UGT1A4: variants seen among roughly 807,000 people sequenced by gnomAD.
UGT1A4 encodes the protein UDP-glucuronosyltransferase 1A4.
UGT1A4 carries 32 observed loss-of-function variants against 41.1 expected under a neutral mutation model. The observed-to-expected ratio is 0.78, with a 90% CI of 0.59 to 1.05. The LOEUF is 1.05. UGT1A4 is among the 50% of genes least tolerant of loss of function. The probability of loss-of-function intolerance (pLI) is 0.00; values close to 1 mark genes in which losing one functional copy is unlikely to be tolerated. For missense variants in UGT1A4, 748 were observed against 677.4 expected (o/e 1.10, Z -1.16); for synonymous variants, 283 against 265.1 (o/e 1.07, Z -0.66).
chr2:233,747,722 G>T (rs554726929), intron 1 of UGT1A4: 13 of 1,612,764 alleles, frequency 8.1e-6, no homozygotes, highest in South Asian at 3.3e-5. Context: ...TTCCTGCTGT[G>T]TTTTTTTTGA....
At chr2:233,741,120 A>G (rs947867994) in intron 1 of UGT1A4, among the ~76,000 whole-genome samples, 1 of 151,760 alleles carries the variant, frequency 6.6e-6, no homozygotes, top group Non-Finnish European at 1.5e-5. Flanking sequence ...TTACACTTCT[A>G]TAAAAGCAAC....
At chr2:233,730,348 T>A (rs2078018262) in intron 1 of UGT1A4, among the ~76,000 whole-genome samples, 1 of 152,216 alleles carries the variant, frequency 6.6e-6, no homozygotes, top group Non-Finnish European at 1.5e-5. Flanking sequence ...TGATCCATCC[T>A]GGATTTTTTG....
intron 1 of UGT1A4, chr2:233,753,227 G>C (rs1159268565): frequency 6.6e-6 from 1 of 152,106 alleles, no homozygotes; most frequent in Non-Finnish European, 1.5e-5. Flanking sequence ...GATACTTCTT[G>C]TATAGTTATT....
intron 1 of UGT1A4, among the ~76,000 whole-genome samples, chr2:233,744,175 A>C (rs1324245746): frequency 1.3e-5 from 2 of 151,870 alleles, no homozygotes; most frequent in African/African-American, 4.9e-5. Flanking sequence ...TCCGGCCTCC[A>C]ACCAGCCATG....
At chr2:233,766,970 TACTG>T in intron 1 of UGT1A4, 60 bp from the exon 2 acceptor site, 8 of 1,610,026 alleles carry the variant, frequency 5.0e-6, no homozygotes, top group Non-Finnish European at 6.8e-6. Flanking sequence ...ATTCATAACT[TACTG>T]TATGTAGTCA....
intron 1 of UGT1A4, chr2:233,743,704 C>T (rs773531190): frequency 8.8e-6 from 12 of 1,367,244 alleles, no homozygotes; most frequent in East Asian, 4.5e-5. Flanking sequence ...CCTCCGCCCC[C>T]GCCTCGCCAT....
intron 1 of UGT1A4, among the ~76,000 whole-genome samples, chr2:233,721,302 G>A (rs541150498): frequency 1.8e-4 from 27 of 152,234 alleles, no homozygotes; most frequent in African/African-American, 6.5e-4. Flanking sequence ...CATTTGAATA[G>A]TGATTGTGGC....
At chr2:233,761,066 T>G in intron 1 of UGT1A4, 1 of 1,614,188 alleles carries the variant, frequency 6.2e-7, no homozygotes, top group Non-Finnish European at 8.5e-7. Context: ...AGAAGTGACT[T>G]TGTGAAGGAT....
At chr2:233,765,565 G>A (rs1156273508) in intron 1 of UGT1A4, among the ~76,000 whole-genome samples, 1 of 152,072 alleles carries the variant, frequency 6.6e-6, no homozygotes, top group Non-Finnish European at 1.5e-5. Context: ...GTGAGAATGC[G>A]TAGACGCAGG....
At chr2:233,752,070 A>G (rs1694888070) in intron 1 of UGT1A4, among the ~76,000 whole-genome samples, 1 of 152,244 alleles carries the variant, frequency 6.6e-6, no homozygotes, top group Non-Finnish European at 1.5e-5. Flanking sequence ...GAGATGGGGA[A>G]GTCTCTCTAC....
At chr2:233,733,213 G>T (rs974647269) in intron 1 of UGT1A4, among the ~76,000 whole-genome samples, 1 of 152,158 alleles carries the variant, frequency 6.6e-6, no homozygotes, top group African/African-American at 2.4e-5. Flanking sequence ...TTTGGGCTGA[G>T]ACAATGGGGT....
chr2:233,757,535 A>AATATATATACATATACATATATATAT lies in UGT1A4; in HGVS notation c.868-9490_868-9489insCATATACATATATATATATATATATA, dbSNP rs376887521. On this transcript the variant is annotated intron_variant, in intron 1 of 4. Transcript: ENST00000373409. ...CAAAGCCAAAATCTTGCCTGTAAGG[A>AATATATATACATATACATATATATAT]ATATATATATATATATATATATATA... 7.4e-3 allele frequency among the ~76,000 whole-genome samples: 638 copies of AATATATATACATATACATATATATAT among 85,730 alleles called. 7 individuals carry two copies. Among genetic ancestry groups the AATATATATACATATACATATATATAT allele is most frequent in the African/African-American group, 0.011 (216 of 19,360 alleles). 56.2% of individuals were successfully genotyped at this position (85,730 alleles called of 152,430 possible).
chr2:233,754,899 C>A, intron 1 of UGT1A4: 2 of 1,352,028 alleles, frequency 1.5e-6, no homozygotes, highest in Non-Finnish European at 2.0e-6. Flanking sequence ...CCTCTGACCC[C>A]CCAAAATATT....
intron 1 of UGT1A4, among the ~76,000 whole-genome samples, chr2:233,751,493 G>C (rs545881478): frequency 3.2e-4 from 48 of 152,200 alleles, no homozygotes; most frequent in Non-Finnish European, 6.2e-4. Context: ...AAAGACATGA[G>C]ATTTGGGAGG....
chr2:233,762,228 C>T (rs1312160230), intron 1 of UGT1A4, among the ~76,000 whole-genome samples: 1 of 152,108 alleles, frequency 6.6e-6, no homozygotes, highest in Admixed American at 6.5e-5. Flanking sequence ...AATCTCAGCA[C>T]CTAAGGCACA....
rs866643747 is a variant in UGT1A4, at chr2:233,725,306, A to G, written c.867+5619A>G. On this transcript the variant is annotated intron_variant, in intron 1 of 4. Coordinates refer to ENST00000373409, the MANE Select transcript of UGT1A4 (RefSeq NM_007120.3). ...CAGAGGCAGAGGCAGAGGCAGAGGC[A>G]GAGGCAGAGGCGCCTGGTCAACAAT... Among the ~76,000 whole-genome samples the G allele has an allele frequency of 8.2e-5, 7 of 85,472 alleles. 1 individual carries two copies. In the East Asian group the frequency reaches 1.3e-3, roughly 16 times the overall value. The allele number at this position is 85,472 out of a possible 152,430, so 56.1% of individuals were successfully genotyped here.
chr2:233,731,217 A>G (rs1429069865), intron 1 of UGT1A4, among the ~76,000 whole-genome samples: 2 of 151,714 alleles, frequency 1.3e-5, no homozygotes, highest in Non-Finnish European at 2.9e-5. Flanking sequence ...GTTTATTTAG[A>G]TTTGTAAAAA....
intron 1 of UGT1A4, among the ~76,000 whole-genome samples, chr2:233,763,949 C>T (rs1698436640): frequency 6.6e-6 from 1 of 152,024 alleles, no homozygotes; most frequent in African/African-American, 2.4e-5. Flanking sequence ...AGCTTGGGAG[C>T]AGGGAAGGTT....
rs770433443 is a variant in UGT1A4 at position 233,767,890 on chromosome 2, G to T, written c.1041G>T (p.Ala347=). The T allele has an allele frequency of 4.3e-6, 7 of 1,614,094 alleles. No individual in the cohort carries two copies. Among genetic ancestry groups the T allele is most frequent in the Non-Finnish European group, 1.7e-6 (2 of 1,180,038 alleles). The change falls in exon 3 of 5, where the codon GCG becomes GCT. Residue 347 remains alanine, a synonymous_variant. Transcript: ENST00000373409. ...RYTGTRPSNL[A]NNTILVKWLP... is the part of the protein sequence containing the mutation. ...CTGGAACCCGACCATCGAATCTTGC[G>T]AACAACACGATACTTGTTAAGTGGC...
Sources: allele counts gnomAD v4.1 joint callset (sites outside exome capture counted in the v4.1 genomes callset), GRCh38; gene constraint gnomAD v4.1.1; transcripts MANE v1.5; gene names NCBI Gene and HGNC (gene_info 2026-07-23, HGNC 2026-07-21).